Variants in ADGRL3 observed in about 807,000 individuals in gnomAD.
The protein encoded by ADGRL3 is calcium-independent alpha-latrotoxin receptor 3.
A neutral mutation model predicts 153.5 loss-of-function variants in ADGRL3; 62 were observed. The observed-to-expected ratio is 0.40, with a 90% CI of 0.33 to 0.50. The LOEUF (loss-of-function observed/expected upper bound fraction) is 0.50. Among genes scored for constraint, ADGRL3 ranks in the 20% least tolerant of loss-of-function variants. The pLI, the probability that ADGRL3 is intolerant of heterozygous loss-of-function variation, is 0.47. For synonymous variants in ADGRL3, 710 were observed against 672.5 expected (o/e 1.06, Z -0.86); for missense variants, 1,641 against 1,859.4 (o/e 0.88, Z 2.16).
At chr4:62,039,691 A>G (rs1727090543) in intron 24 of ADGRL3, among the ~76,000 whole-genome samples, 1 of 152,114 alleles carries the variant, frequency 6.6e-6, no homozygotes, top group Admixed American at 6.6e-5. Flanking sequence ...GACCAGGATG[A>G]TGCTTATAGC....
Position 62,006,723 on chromosome 4 carries a change from C to G in ADGRL3, c.3395+8458C>G, listed in dbSNP as rs189755701. 2.0e-3 allele frequency among the ~76,000 whole-genome samples: 303 copies of G among 151,132 alleles called. 4 individuals carry two copies. The highest frequency in any genetic ancestry group is 0.018 in the Admixed American group (273 of 15,110). On this transcript the variant is annotated intron_variant, in intron 21 of 26. Coordinates refer to ENST00000683033, the MANE Select transcript of ADGRL3 (RefSeq NM_001387552.1). Reference sequence around the variant, plus strand: ...GGCAGTTATATATTTACTTTTAAAACATTAAGAAAATAAAAGTGAGATGAT... The same window carrying G: ...GGCAGTTATATATTTACTTTTAAAAGATTAAGAAAATAAAAGTGAGATGAT...
chr4:61,720,596 T>A (rs1279271622), intron 6 of ADGRL3, among the ~76,000 whole-genome samples: 1 of 152,202 alleles, frequency 6.6e-6, no homozygotes, highest in Non-Finnish European at 1.5e-5. Context: ...CTTTAATCAG[T>A]GGAGATATTC....
chr4:61,753,164 C>A (rs1316984143), intron 8 of ADGRL3, among the ~76,000 whole-genome samples: 1 of 150,518 alleles, frequency 6.6e-6, no homozygotes, highest in Admixed American at 6.6e-5. Context: ...AAATAGGGAG[C>A]TCCCCTCCCC....
At chr4:61,762,956 A>T (rs1269962928) in intron 8 of ADGRL3, among the ~76,000 whole-genome samples, 1 of 152,016 alleles carries the variant, frequency 6.6e-6, no homozygotes, top group Non-Finnish European at 1.5e-5. Context: ...ACATCCATTC[A>T]GTTTTGGTGC....
intron 4 of ADGRL3, among the ~76,000 whole-genome samples, chr4:61,537,380 A>G (rs1265516595): frequency 1.3e-5 from 2 of 151,930 alleles, no homozygotes; most frequent in African/African-American, 4.8e-5. Flanking sequence ...CTTGTGTTGT[A>G]TCTTGCAAGT....
chr4:61,615,721 C>G (rs1327304439), intron 5 of ADGRL3, among the ~76,000 whole-genome samples: 1 of 151,730 alleles, frequency 6.6e-6, no homozygotes, highest in Non-Finnish European at 1.5e-5. Context: ...CATTTTGTTG[C>G]TTTTGGGAAT....
chr4:61,677,595 C>A (rs1416239622), intron 6 of ADGRL3, among the ~76,000 whole-genome samples: 1 of 151,928 alleles, frequency 6.6e-6, no homozygotes, highest in East Asian at 1.9e-4. Context: ...ATAAGAATCA[C>A]CATCTCAAAA....
At chr4:62,036,901 C>T (rs574652712) in intron 23 of ADGRL3, among the ~76,000 whole-genome samples, 16 of 151,868 alleles carry the variant, frequency 1.1e-4, no homozygotes, top group Middle Eastern at 4.1e-3. Flanking sequence ...ATTAAATAGG[C>T]GGTAATAAAA....
In ADGRL3 at chr4:62,071,197, T is replaced by C. The variant is rs563070304; in HGVS notation, c.*289T>C. On this transcript the variant is annotated 3_prime_UTR_variant, in exon 27 of 27. Transcript: ENST00000683033. ...GATATGAAGAAAATGGCACTCATTG[T>C]GGCCTTGTTGAATTATGTTGTGTAT... The C allele has an allele frequency of 1.2e-4, 35 of 291,480 alleles. No homozygotes were observed. Among genetic ancestry groups the C allele is most frequent in the African/African-American group, 6.2e-4 (29 of 46,618 alleles). The allele number at this position is 291,480 out of a possible 1,614,324, so 18.1% of individuals were successfully genotyped here.
At chr4:61,816,148 C>A (rs1282498709) in intron 9 of ADGRL3, among the ~76,000 whole-genome samples, 2 of 152,096 alleles carry the variant, frequency 1.3e-5, no homozygotes, top group Non-Finnish European at 2.9e-5. Flanking sequence ...GAATTCAGTT[C>A]CTCATACAAG....
chr4:61,305,407 T>C (rs1244003272), intron 1 of ADGRL3, among the ~76,000 whole-genome samples: 1 of 152,160 alleles, frequency 6.6e-6, no homozygotes, highest in Non-Finnish European at 1.5e-5. Context: ...ATAACTGTAG[T>C]ACATATGGTG....
intron 2 of ADGRL3, among the ~76,000 whole-genome samples, chr4:61,462,153 C>G (rs2097827859): frequency 6.6e-6 from 1 of 152,032 alleles, no homozygotes; most frequent in Admixed American, 6.6e-5. Flanking sequence ...AAACAATAAC[C>G]CCAGTGTTTC....
chr4:61,246,008 A>G (rs1031232837), intron 1 of ADGRL3, among the ~76,000 whole-genome samples: 5 of 152,076 alleles, frequency 3.3e-5, no homozygotes, highest in Non-Finnish European at 5.9e-5. Flanking sequence ...ATCTGTAGCT[A>G]CCACTTATAT....
intron 21 of ADGRL3, among the ~76,000 whole-genome samples, chr4:62,006,998 G>A (rs2099161528): frequency 1.3e-5 from 2 of 151,968 alleles, no homozygotes; most frequent in Admixed American, 1.3e-4. Context: ...TGTCAACAAG[G>A]ACCAAAGCTC....
Position 61,813,852 on chromosome 4 carries a change from T to G in ADGRL3, c.1443T>G (p.Ile481Met). The change falls in exon 9 of 27, where the codon ATT (isoleucine) becomes ATG (methionine). Residue 481 changes from isoleucine to methionine, a missense_variant. Physicochemically the swap from Ile to Met is conservative, Grantham distance 10. Transcript: ENST00000683033. ...HGQVSYISPP[I>M]HLDSELERPS... ...AAGTTTCATACATTTCTCCGCCAAT[T>G]CACCTTGACTCTGAGCTAGAAAGAC... The G allele has an allele frequency of 6.3e-7, 1 of 1,576,926 alleles. No individual in the cohort carries two copies. The highest frequency in any genetic ancestry group is 8.7e-7 in the Non-Finnish European group (1 of 1,146,286).
At chr4:61,544,518 A>G (rs995677493) in intron 4 of ADGRL3, among the ~76,000 whole-genome samples, 1 of 152,188 alleles carries the variant, frequency 6.6e-6, no homozygotes, top group South Asian at 2.1e-4. Flanking sequence ...CCCTTTAGAT[A>G]CATGTGTACA....
intron 2 of ADGRL3, among the ~76,000 whole-genome samples, chr4:61,392,026 A>ATTAATTTTTTT (rs375220754): frequency 1.0e-4 from 14 of 135,676 alleles, no homozygotes; most frequent in African/African-American, 3.8e-4. Context: ...CGACCGGCTA[A>ATTAATTTTTTT]TTTTTTTTTT....
intron 2 of ADGRL3, chr4:61,427,037 G>A (rs1373179447): frequency 6.6e-6 from 1 of 152,074 alleles, no homozygotes; most frequent in Non-Finnish European, 1.5e-5. Flanking sequence ...GCTTCTCTGA[G>A]GGCCACCATG....
At chr4:61,643,649 A>G (rs1304646160) in intron 5 of ADGRL3, among the ~76,000 whole-genome samples, 2 of 142,306 alleles carry the variant, frequency 1.4e-5, no homozygotes, top group African/African-American at 2.6e-5. Flanking sequence ...CCACTTGATC[A>G]TGGTGGATAA....
Sources: gnomAD v4.1 joint callset for allele counts (sites outside exome capture counted in the v4.1 genomes callset) on GRCh38, gnomAD v4.1.1 for gene constraint, MANE v1.5 for transcripts, NCBI Gene and HGNC (gene_info 2026-07-23, HGNC 2026-07-21) for gene names.